TGM3: variants seen among roughly 807,000 people sequenced by gnomAD.
TGM3 encodes protein-glutamine gamma-glutamyltransferase E.
A neutral mutation model predicts 73.8 loss-of-function variants in TGM3; 52 were observed. The ratio of observed to expected loss-of-function variants is 0.70; its 90% CI spans 0.56 to 0.89. The LOEUF (loss-of-function observed/expected upper bound fraction) is 0.89, where lower values mean the gene tolerates loss of function less well. Among genes scored for constraint, TGM3 ranks in the 40% least tolerant of loss-of-function variants. TGM3 has a pLI of 0.00. For synonymous variants in TGM3, 372 were observed against 354.9 expected (o/e 1.05, Z -0.54); for missense variants, 928 against 909.9 (o/e 1.02, Z -0.26).
chr20:2,312,724 A>T (rs2084212916), intron 4 of TGM3, among the ~76,000 whole-genome samples, 174 bp from the exon 5 acceptor site: 1 of 151,888 alleles, frequency 6.6e-6, no homozygotes, highest in African/African-American at 2.4e-5. Context: ...GCTCTGGATG[A>T]GTTTGCGGGG....
At chr20:2,337,749 T>C (rs556901503) in intron 11 of TGM3, among the ~76,000 whole-genome samples, 1 of 152,070 alleles carries the variant, frequency 6.6e-6, no homozygotes, top group Non-Finnish European at 1.5e-5. Context: ...TTTTCCCCAG[T>C]GTATTCCCCA....
In TGM3 at chr20:2,309,690, C is replaced by A. The variant is rs749279971; in HGVS notation, c.41C>A (p.Ala14Asp). 6 of 1,614,032 alleles carry A rather than the reference C, an allele frequency of 3.7e-6. No individual in the cohort carries two copies. Among genetic ancestry groups the A allele is most frequent in the African/African-American group, 1.3e-5 (1 of 74,916 alleles). Reference protein sequence around the residue: ...LGVQSINWQTAFNRQAHHTDK... With the variant: ...LGVQSINWQTDFNRQAHHTDK... Reference sequence around the variant, plus strand: ...GTCCAGAGTATCAACTGGCAGACGGCCTTCAACCGACAAGCGCATCACACA... The same window carrying A: ...GTCCAGAGTATCAACTGGCAGACGGACTTCAACCGACAAGCGCATCACACA... The change falls in exon 2 of 13, where the codon GCC becomes GAC. Residue 14 changes from alanine to aspartate, a missense_variant. Transcript: ENST00000381458.
chr20:2,339,528 G>A (rs1361819215), intron 11 of TGM3, among the ~76,000 whole-genome samples: 1 of 152,162 alleles, frequency 6.6e-6, no homozygotes, highest in East Asian at 1.9e-4. Context: ...CCACAGTGGG[G>A]TTGGGCTGTC....
intron 7 of TGM3, among the ~76,000 whole-genome samples, chr20:2,322,307 A>T (rs1385277505): frequency 6.6e-6 from 1 of 152,160 alleles, no homozygotes; most frequent in Non-Finnish European, 1.5e-5. Flanking sequence ...TGTTATTTAC[A>T]GAATTGGGAT....
chr20:2,336,824 G>T (rs1409634289), intron 11 of TGM3, among the ~76,000 whole-genome samples: 1 of 151,914 alleles, frequency 6.6e-6, no homozygotes, highest in Admixed American at 6.6e-5. Context: ...CACTGAGCAG[G>T]TCCCTTAATC....
At chr20:2,337,918 G>A (rs574097402) in intron 11 of TGM3, among the ~76,000 whole-genome samples, 75 of 152,274 alleles carry the variant, frequency 4.9e-4, no homozygotes, top group African/African-American at 1.8e-3. Context: ...GGCTAGAAAT[G>A]TGCCATCACT....
At chr20:2,317,938 T>TC (rs1555794823) in intron 7 of TGM3, among the ~76,000 whole-genome samples, 3,266 of 140,706 alleles carry the variant, frequency 0.023, 138 homozygotes, top group African/African-American at 0.082. Flanking sequence ...TATATATATA[T>TC]ATATCATATA....
intron 7 of TGM3, among the ~76,000 whole-genome samples, chr20:2,317,921 G>GCATATATATATATATATAT (rs1348419556): frequency 8.1e-5 from 11 of 135,720 alleles, no homozygotes; most frequent in African/African-American, 3.4e-4. Context: ...TCTTCTCTTA[G>GCATATATATATATATATAT]CATATATATA....
chr20:2,331,102 T>G (rs530029331), intron 9 of TGM3, among the ~76,000 whole-genome samples: 1 of 147,558 alleles, frequency 6.8e-6, no homozygotes, highest in Non-Finnish European at 1.5e-5. Context: ...TTGGGGAAGG[T>G]GGGAGAATGT....
rs750134199 is a variant in TGM3, at chr20:2,317,372, T to C, written c.870T>C (p.Pro290=). 7 of 1,614,082 alleles carry C rather than the reference T, an allele frequency of 4.3e-6. No homozygotes were observed. The South Asian group carries it at 7.7e-5, about 18-fold the overall frequency. Residue 290 remains proline (P), a synonymous_variant, in exon 7 of 13, where the codon CCT becomes CCC. Coordinates refer to ENST00000381458, the MANE Select transcript of TGM3 (RefSeq NM_003245.4). ...LNTALRSLGI[P]SRVITNFNSA... ...CAGCGCTGCGGTCTTTGGGGATTCC[T>C]TCCCGGGTGATCACCAACTTCAACT... is the stretch of plus-strand genomic sequence containing the variant.
At chr20:2,316,489 G>T (rs2084233572) in intron 5 of TGM3, among the ~76,000 whole-genome samples, 1 of 151,974 alleles carries the variant, frequency 6.6e-6, no homozygotes, top group Admixed American at 6.6e-5. Flanking sequence ...TTGAATCCAG[G>T]AGGCGAAGCT....
At chr20:2,337,733 TA>T (rs1159812513) in intron 11 of TGM3, among the ~76,000 whole-genome samples, 3 of 151,702 alleles carry the variant, frequency 2.0e-5, no homozygotes, top group African/African-American at 7.3e-5. Context: ...AAAAAAAAAT[TA>T]GTGTTTTTCC....
At chr20:2,321,180 C>T (rs1361110613) in intron 7 of TGM3, among the ~76,000 whole-genome samples, 1 of 152,242 alleles carries the variant, frequency 6.6e-6, no homozygotes, top group African/African-American at 2.4e-5. Context: ...CCATGCACAT[C>T]TGCACTGGAC....
At chr20:2,317,539 C>G in intron 7 of TGM3, 54 bp downstream of exon 7, 4 of 1,605,842 alleles carry the variant, frequency 2.5e-6, no homozygotes, top group African/African-American at 1.3e-5. Flanking sequence ...AGTGGCTTCT[C>G]GCTCTCACCA....
Position 2,301,495 on chromosome 20 carries a change from G to A in TGM3, c.7+5425G>A, listed in dbSNP as rs2084147655. ...GCCAGTTGCCATCCATTAGCAGGTTGTGAAATCAGTTTAGTGGACTGTGAC... is the reference window on the plus strand; with the variant it reads ...GCCAGTTGCCATCCATTAGCAGGTTATGAAATCAGTTTAGTGGACTGTGAC... On this transcript the variant is annotated intron_variant, in intron 1 of 12. Coordinates refer to ENST00000381458, the MANE Select transcript of TGM3 (RefSeq NM_003245.4). 1.3e-5 allele frequency among the ~76,000 whole-genome samples: 2 copies of A among 148,684 alleles called. 1 individual carries two copies. Among genetic ancestry groups the A allele is most frequent in the East Asian group, 3.9e-4 (2 of 5,068 alleles).
At chr20:2,330,701 A>C (rs574795009) in intron 9 of TGM3, among the ~76,000 whole-genome samples, 1 of 152,260 alleles carries the variant, frequency 6.6e-6, no homozygotes, top group Admixed American at 6.5e-5. Flanking sequence ...CTGTATCGTA[A>C]AATGCTTACA....
intron 12 of TGM3, 53 bp downstream of exon 12, chr20:2,340,040 G>GGGGGGGGGGGGGCGGGGC: frequency 1.1e-6 from 1 of 944,848 alleles, no homozygotes; most frequent in Non-Finnish European, 1.6e-6. Flanking sequence ...GGGCGGGGGG[G>GGGGGGGGGGGGGCGGGGC]CCCTCCAGAT....
At chr20:2,316,197 A>T (rs1474195981) in intron 5 of TGM3, among the ~76,000 whole-genome samples, 2 of 152,240 alleles carry the variant, frequency 1.3e-5, no homozygotes, top group Non-Finnish European at 2.9e-5. Flanking sequence ...TGAGTAAACT[A>T]ACAAATGAAC....
At chr20:2,304,184 A>G (rs2084165936) in intron 1 of TGM3, among the ~76,000 whole-genome samples, 1 of 152,134 alleles carries the variant, frequency 6.6e-6, no homozygotes, top group South Asian at 2.1e-4. Flanking sequence ...ACACATTCTG[A>G]CAGGGTGGGC....
Sources: allele counts gnomAD v4.1 joint callset (sites outside exome capture counted in the v4.1 genomes callset), GRCh38; gene constraint gnomAD v4.1.1; transcripts MANE v1.5; gene names NCBI Gene and HGNC (gene_info 2026-07-23, HGNC 2026-07-21).